Variants in PCCA observed in about 807,000 individuals in gnomAD.
The protein encoded by PCCA is propionyl-CoA carboxylase alpha chain, mitochondrial.
In PCCA, 74 loss-of-function variants were observed where a neutral mutation model predicts 101.3. The ratio of observed to expected loss-of-function variants is 0.73; its 90% CI spans 0.61 to 0.89. The LOEUF (loss-of-function observed/expected upper bound fraction) is 0.89. PCCA is among the 40% of genes least tolerant of loss of function. The pLI, the probability that PCCA is intolerant of heterozygous loss-of-function variation, is 0.00. For missense variants in PCCA, 891 were observed against 907.0 expected, an observed-to-expected ratio of 0.98 and a Z score of 0.23; for synonymous variants, 294 against 313.6, an observed-to-expected ratio of 0.94 and a Z score of 0.66.
intron 7 of PCCA, among the ~76,000 whole-genome samples, chr13:100,232,380 GT>G (rs1206577091): frequency 4.0e-5 from 6 of 151,024 alleles, no homozygotes; most frequent in African/African-American, 1.5e-4. Context: ...GTGTGTGTGT[GT>G]GTGTGTGTGT....
intron 1 of PCCA, among the ~76,000 whole-genome samples, 200 bp downstream of exon 1, chr13:100,089,425 T>A (rs1247208731): frequency 1.3e-5 from 2 of 152,172 alleles, no homozygotes; most frequent in African/African-American, 4.8e-5. Flanking sequence ...GTTGCAGCTG[T>A]TCCTCGCGGG....
At chr13:100,275,459 T>C (rs1026534415) in intron 12 of PCCA, among the ~76,000 whole-genome samples, 4 of 152,200 alleles carry the variant, frequency 2.6e-5, no homozygotes, top group Non-Finnish European at 5.9e-5. Flanking sequence ...ATCTTTTGCG[T>C]GCTATGGCTT....
At chr13:100,454,985 C>A (rs2081604142) in intron 21 of PCCA, among the ~76,000 whole-genome samples, 1 of 152,032 alleles carries the variant, frequency 6.6e-6, no homozygotes, top group East Asian at 1.9e-4. Context: ...GATTTGCATA[C>A]CTAAGTGTAA....
intron 19 of PCCA, among the ~76,000 whole-genome samples, chr13:100,401,187 G>A (rs2077342476): frequency 6.6e-6 from 1 of 151,660 alleles, no homozygotes; most frequent in Non-Finnish European, 1.5e-5. Context: ...ATTTTTTATA[G>A]CTTTCTAAGG....
At chr13:100,125,167 G>A (rs977766814) in intron 4 of PCCA, among the ~76,000 whole-genome samples, 2 of 151,844 alleles carry the variant, frequency 1.3e-5, no homozygotes, top group African/African-American at 4.8e-5. Flanking sequence ...GTGTGTACTT[G>A]AGAATGTTAT....
chr13:100,362,346 G>A (rs766858021), intron 18 of PCCA, among the ~76,000 whole-genome samples: 1 of 152,152 alleles, frequency 6.6e-6, no homozygotes, highest in Non-Finnish European at 1.5e-5. Flanking sequence ...AGATATTTCT[G>A]CACCCAATTA....
intron 1 of PCCA, among the ~76,000 whole-genome samples, chr13:100,090,541 A>G (rs1440328808): frequency 6.6e-6 from 1 of 152,136 alleles, no homozygotes; most frequent in Non-Finnish European, 1.5e-5. Context: ...TTTTTCAACA[A>G]ATATTTACTG....
chr13:100,530,421 G>T lies in PCCA; in HGVS notation c.*255G>T. ...GTGTCAAAATTAAATCAATAAAACTGAGCATTTGTCTAAATATTAGTTTGC... is the reference window on the plus strand; with the variant it reads ...GTGTCAAAATTAAATCAATAAAACTTAGCATTTGTCTAAATATTAGTTTGC... On this transcript the variant is annotated 3_prime_UTR_variant, in exon 24 of 24. Coordinates refer to ENST00000376285, the MANE Select transcript of PCCA (RefSeq NM_000282.4). The T allele has an allele frequency of 1.7e-6, 1 of 574,306 alleles. No individual in the cohort carries two copies. Among genetic ancestry groups the T allele is most frequent in the Non-Finnish European group, 3.1e-6 (1 of 320,894 alleles). The allele number at this position is 574,306 out of a possible 1,614,324, so 35.6% of individuals were successfully genotyped here. A position where few individuals can be genotyped will look rare whatever the true frequency, so the allele number is the denominator to read the frequency against.
At chr13:100,135,704 G>A (rs566339392) in intron 4 of PCCA, among the ~76,000 whole-genome samples, 1 of 152,054 alleles carries the variant, frequency 6.6e-6, no homozygotes, top group Non-Finnish European at 1.5e-5. Context: ...AGAGGAAGAG[G>A]AGTAGCAGTG....
intron 21 of PCCA, among the ~76,000 whole-genome samples, chr13:100,461,738 A>G (rs2082177729): frequency 6.6e-6 from 1 of 152,128 alleles, no homozygotes. Flanking sequence ...CAGCTGCTCC[A>G]AGTCCTGCTA....
At chr13:100,319,139 A>G (rs1207939522) in intron 16 of PCCA, among the ~76,000 whole-genome samples, 3 of 152,170 alleles carry the variant, frequency 2.0e-5, no homozygotes, top group Non-Finnish European at 4.4e-5. Flanking sequence ...TCTTCTTTTG[A>G]GAAGTGTCTG....
chr13:100,202,683 C>G (rs2058602613), intron 6 of PCCA, among the ~76,000 whole-genome samples: 1 of 150,818 alleles, frequency 6.6e-6, no homozygotes, highest in African/African-American at 2.4e-5. Context: ...TCCTATTATT[C>G]ATATGTTGGA....
intron 19 of PCCA, among the ~76,000 whole-genome samples, chr13:100,424,469 T>C (rs1329780600): frequency 1.3e-5 from 2 of 152,282 alleles, no homozygotes; most frequent in East Asian, 3.9e-4. Flanking sequence ...ACTTGGGTTA[T>C]TTGCCCAGCC....
intron 12 of PCCA, among the ~76,000 whole-genome samples, chr13:100,298,042 G>A (rs1219056575): frequency 2.7e-5 from 4 of 149,106 alleles, no homozygotes; most frequent in African/African-American, 1.0e-4. Flanking sequence ...ATATTCACAT[G>A]CTAATACGTT....
chr13:100,271,397 A>T (rs993086545), intron 11 of PCCA, among the ~76,000 whole-genome samples: 1 of 140,770 alleles, frequency 7.1e-6, no homozygotes, highest in African/African-American at 2.7e-5. Context: ...CCCCTCCCCC[A>T]CCCCAATCCA....
At chr13:100,183,995 G>T (rs1025816297) in intron 6 of PCCA, among the ~76,000 whole-genome samples, 1 of 152,134 alleles carries the variant, frequency 6.6e-6, no homozygotes, top group African/African-American at 2.4e-5. Flanking sequence ...ATAAAGAAAT[G>T]CCTGAGACTG....
In PCCA at chr13:100,089,175, C is replaced by T. The variant is rs748401260; in HGVS notation, c.55C>T (p.Arg19Trp). ...GCTGGTCGCTGCCGGACGGCGTGGGCGGTGGCCGCCGCAGCAGCTGATGCT... is the reference window on the plus strand; with the variant it reads ...GCTGGTCGCTGCCGGACGGCGTGGGTGGTGGCCGCCGCAGCAGCTGATGCT... The part of the protein sequence containing the change: ...APLVAAGRRG[R>W]WPPQQLMLSA... The change falls in exon 1 of 24, where the codon CGG becomes TGG. Residue 19 changes from arginine (R) to tryptophan (W), a missense_variant. Physicochemically the swap from Arg to Trp is moderately radical, Grantham distance 101. Coordinates refer to ENST00000376285, the MANE Select transcript of PCCA (RefSeq NM_000282.4). The T allele has an allele frequency of 1.3e-6, 2 of 1,528,146 alleles. No homozygotes were observed. The highest frequency in any genetic ancestry group is 1.2e-5 in the South Asian group (1 of 80,170). 94.7% of individuals were successfully genotyped at this position (1,528,146 alleles called of 1,614,324 possible).
At chr13:100,159,533 T>A (rs1415858188) in intron 6 of PCCA, among the ~76,000 whole-genome samples, 1 of 152,176 alleles carries the variant, frequency 6.6e-6, no homozygotes, top group African/African-American at 2.4e-5. Context: ...GGAAAATAAG[T>A]TGATACACAA....
intron 8 of PCCA, among the ~76,000 whole-genome samples, chr13:100,246,985 T>G (rs2061469603): frequency 6.6e-6 from 1 of 151,272 alleles, no homozygotes; most frequent in Admixed American, 6.6e-5. Context: ...CTTGGCTCAA[T>G]GCAACCTCCG....
Sources: allele counts gnomAD v4.1 joint callset (sites outside exome capture counted in the v4.1 genomes callset), GRCh38; gene constraint gnomAD v4.1.1; transcripts MANE v1.5; gene names NCBI Gene and HGNC (gene_info 2026-07-23, HGNC 2026-07-21).